CNTNAP5: variants seen among roughly 807,000 people sequenced by gnomAD.
CNTNAP5 encodes contactin-associated protein-like 5.
A neutral mutation model predicts 150.2 loss-of-function variants in CNTNAP5; 72 were observed. The ratio of observed to expected loss-of-function variants is 0.48; its 90% CI spans 0.40 to 0.58. The LOEUF (loss-of-function observed/expected upper bound fraction) is 0.58, where lower values mean the gene tolerates loss of function less well. CNTNAP5 is among the 20% of genes least tolerant of loss of function. The probability of loss-of-function intolerance (pLI) is 0.00; values close to 1 mark genes in which losing one functional copy is unlikely to be tolerated. For missense variants in CNTNAP5, 1,636 were observed against 1,626.2 expected, an observed-to-expected ratio of 1.01 and a Z score of -0.10; for synonymous variants, 672 against 619.8, an observed-to-expected ratio of 1.08 and a Z score of -1.25.
intron 3 of CNTNAP5, among the ~76,000 whole-genome samples, chr2:124,265,034 T>C (rs1164422341): frequency 6.6e-6 from 1 of 152,216 alleles, no homozygotes; most frequent in African/African-American, 2.4e-5. Flanking sequence ...CACCCATAAA[T>C]GGTGTTGCTA....
At chr2:124,232,826 C>T (rs759820335) in intron 2 of CNTNAP5, among the ~76,000 whole-genome samples, 24 of 152,096 alleles carry the variant, frequency 1.6e-4, no homozygotes, top group Admixed American at 4.6e-4. Flanking sequence ...AATCAGAAAG[C>T]GTTCTGGGGT....
chr2:124,683,251 C>G (rs1385781911), intron 13 of CNTNAP5, among the ~76,000 whole-genome samples: 2 of 152,008 alleles, frequency 1.3e-5, no homozygotes, highest in Non-Finnish European at 2.9e-5. Flanking sequence ...TGGCCCATTG[C>G]TGGATTTTAT....
At chr2:124,474,483 T>C (rs1461806020) in intron 6 of CNTNAP5, among the ~76,000 whole-genome samples, 1 of 152,078 alleles carries the variant, frequency 6.6e-6, no homozygotes, top group Non-Finnish European at 1.5e-5. Flanking sequence ...TATTGTTTTA[T>C]TTAGTATTAA....
intron 3 of CNTNAP5, among the ~76,000 whole-genome samples, chr2:124,408,003 T>G (rs1246702144): frequency 1.3e-5 from 2 of 152,098 alleles, no homozygotes; most frequent in East Asian, 3.9e-4. Flanking sequence ...TGCCAGACAG[T>G]GGGCGCAGGT....
intron 19 of CNTNAP5, among the ~76,000 whole-genome samples, chr2:124,800,282 T>C (rs1573625729): frequency 1.3e-5 from 2 of 152,300 alleles, no homozygotes; most frequent in South Asian, 2.1e-4. Context: ...ATAGGCACAA[T>C]TGTACCTGTC....
At chr2:124,263,866 T>C (rs28602523) in intron 3 of CNTNAP5, among the ~76,000 whole-genome samples, 1 of 152,202 alleles carries the variant, frequency 6.6e-6, no homozygotes, top group African/African-American at 2.4e-5. Context: ...CTTCTACATA[T>C]GGCAGCCAGT....
intron 3 of CNTNAP5, among the ~76,000 whole-genome samples, chr2:124,401,956 G>T (rs1009664476): frequency 2.6e-5 from 4 of 152,122 alleles, no homozygotes; most frequent in African/African-American, 9.7e-5. Flanking sequence ...ACCTTCACGG[G>T]TTTACTGAGT....
At chr2:124,451,075 T>TACAC (rs1247150633) in intron 6 of CNTNAP5, among the ~76,000 whole-genome samples, 27 of 81,792 alleles carry the variant, frequency 3.3e-4, no homozygotes, top group Admixed American at 4.7e-4. Context: ...TATATATATA[T>TACAC]ATACACACAC....
chr2:124,360,981 C>T (rs1422151782), intron 3 of CNTNAP5, among the ~76,000 whole-genome samples: 1 of 135,568 alleles, frequency 7.4e-6, no homozygotes, highest in East Asian at 2.1e-4. Flanking sequence ...CACATAGTCC[C>T]ATATTTCTTG....
At chr2:124,115,056 T>C (rs192912707) in intron 1 of CNTNAP5, among the ~76,000 whole-genome samples, 343 of 152,148 alleles carry the variant, frequency 2.3e-3, no homozygotes, top group African/African-American at 7.7e-3. Context: ...TAATAGCACA[T>C]TATTATGATT....
chr2:124,470,833 C>T (rs1286567526), intron 6 of CNTNAP5, among the ~76,000 whole-genome samples: 3 of 151,942 alleles, frequency 2.0e-5, no homozygotes, highest in Non-Finnish European at 4.4e-5. Context: ...GAATCTTTTT[C>T]CCATTGCTTA....
intron 17 of CNTNAP5, among the ~76,000 whole-genome samples, chr2:124,776,200 G>A (rs922366631): frequency 6.6e-6 from 1 of 152,106 alleles, no homozygotes; most frequent in African/African-American, 2.4e-5. Context: ...GGCAATTATA[G>A]AGTGGAAATC....
At chr2:124,616,823 G>A (rs375817347) in intron 12 of CNTNAP5, among the ~76,000 whole-genome samples, 176 of 152,216 alleles carry the variant, frequency 1.2e-3, no homozygotes, top group African/African-American at 4.0e-3. Flanking sequence ...GAGGCCTAAG[G>A]AGAAGGAAAG....
chr2:124,865,479 C>A, intron 20 of CNTNAP5, 43 bp downstream of exon 20: 3 of 1,543,332 alleles, frequency 1.9e-6, no homozygotes, highest in Non-Finnish European at 2.6e-6. Flanking sequence ...TGTGCCTTGG[C>A]TACTCTATCA....
intron 1 of CNTNAP5, among the ~76,000 whole-genome samples, chr2:124,203,760 G>A (rs1685790870): frequency 6.6e-6 from 1 of 152,152 alleles, no homozygotes; most frequent in South Asian, 2.1e-4. Context: ...GGGATGCGGA[G>A]CACCAAGTCC....
intron 3 of CNTNAP5, among the ~76,000 whole-genome samples, chr2:124,403,118 G>A (rs1051799820): frequency 1.2e-4 from 18 of 152,166 alleles, no homozygotes; most frequent in African/African-American, 4.1e-4. Context: ...CTTAACTTTA[G>A]TTTGTACTCT....
chr2:124,325,255 C>T (rs1689188587), intron 3 of CNTNAP5, among the ~76,000 whole-genome samples: 2 of 152,172 alleles, frequency 1.3e-5, no homozygotes, highest in African/African-American at 4.8e-5. Flanking sequence ...GATATCAAAC[C>T]TGCTGGTGTC....
At chr2:124,611,982 G>A (rs72841386) in intron 12 of CNTNAP5, among the ~76,000 whole-genome samples, 1 of 152,166 alleles carries the variant, frequency 6.6e-6, no homozygotes, top group East Asian at 1.9e-4. Context: ...ACTGGCTCAA[G>A]GTAAATTCTG....
At chr2:124,353,286 CAAAAAAAA>C (rs565907115) in intron 3 of CNTNAP5, among the ~76,000 whole-genome samples, 1 of 88,262 alleles carries the variant, frequency 1.1e-5, no homozygotes, top group African/African-American at 4.3e-5. Flanking sequence ...AAAAACAGAC[CAAAAAAAA>C]AAAAAAAAAA....
Sources: gnomAD v4.1 joint callset for allele counts (sites outside exome capture counted in the v4.1 genomes callset) on GRCh38, gnomAD v4.1.1 for gene constraint, MANE v1.5 for transcripts, NCBI Gene and HGNC (gene_info 2026-07-23, HGNC 2026-07-21) for gene names.